Variants in SLC25A12 observed in about 807,000 individuals in gnomAD.
SLC25A12 encodes the protein solute carrier family 25 member 12.
Under a neutral mutation model 83.3 loss-of-function variants are expected in SLC25A12, and 32 were observed. That is an observed-to-expected ratio of 0.38 (90% CI 0.29 to 0.52). The LOEUF is 0.52. Ranked by LOEUF, SLC25A12 falls within the 20% of genes least tolerant of loss-of-function variation. The pLI is 0.84. For synonymous variants in SLC25A12, 267 were observed against 291.1 expected (o/e 0.92, Z 0.84); for missense variants, 611 against 835.6 (o/e 0.73, Z 3.31).
chr2:171,838,555 C>A (rs570967208), intron 5 of SLC25A12, among the ~76,000 whole-genome samples: 2 of 151,986 alleles, frequency 1.3e-5, no homozygotes, highest in African/African-American at 2.4e-5. Flanking sequence ...TCTTAATCAC[C>A]CAGAAATATC....
At chr2:171,836,676 T>G (rs1470901493) in intron 6 of SLC25A12, among the ~76,000 whole-genome samples, 1 of 152,152 alleles carries the variant, frequency 6.6e-6, no homozygotes. Flanking sequence ...GGAGCCATCT[T>G]TATAGCAAGA....
At chr2:171,804,943 A>T (rs1160829690) in intron 13 of SLC25A12, among the ~76,000 whole-genome samples, 1 of 152,202 alleles carries the variant, frequency 6.6e-6, no homozygotes. Context: ...GATAGCTAAA[A>T]GGTACTGCAT....
At chr2:171,878,972 A>G (rs1030480019) in intron 2 of SLC25A12, among the ~76,000 whole-genome samples, 2 of 152,344 alleles carry the variant, frequency 1.3e-5, no homozygotes, top group Admixed American at 1.3e-4. Flanking sequence ...CAGATCTGAC[A>G]CACAAACCCT....
intron 3 of SLC25A12, among the ~76,000 whole-genome samples, chr2:171,860,296 A>G (rs1685126899): frequency 6.6e-6 from 1 of 152,116 alleles, no homozygotes; most frequent in African/African-American, 2.4e-5. Flanking sequence ...AAAAACACTC[A>G]AAGGCTGGGC....
chr2:171,862,083 A>G (rs1327751870), intron 3 of SLC25A12, among the ~76,000 whole-genome samples: 4 of 152,240 alleles, frequency 2.6e-5, no homozygotes, highest in African/African-American at 7.2e-5. Flanking sequence ...TTGTAAAACA[A>G]TCAAGATTTC....
intron 15 of SLC25A12, among the ~76,000 whole-genome samples, chr2:171,789,299 G>T (rs1690549981): frequency 6.6e-6 from 1 of 152,106 alleles, no homozygotes; most frequent in African/African-American, 2.4e-5. Flanking sequence ...CACAATCTCG[G>T]CTCACTGCAA....
chr2:171,846,589 C>T (rs1449798926), intron 4 of SLC25A12, among the ~76,000 whole-genome samples: 1 of 152,038 alleles, frequency 6.6e-6, no homozygotes. Flanking sequence ...AGGCAGATCA[C>T]GAGGTCAGGA....
In SLC25A12 at chr2:171,860,779, C is replaced by A. The variant is rs1171287062; in HGVS notation, c.210-4830G>T. Reference sequence around the variant, plus strand: ...GGATATATGAAAAAGCAAGAATAGTCAGATGTTAATAGTAGAATCTGGCCA... The same window carrying A: ...GGATATATGAAAAAGCAAGAATAGTAAGATGTTAATAGTAGAATCTGGCCA... On this transcript the variant is annotated intron_variant, in intron 3 of 17. Coordinates refer to ENST00000422440, the MANE Select transcript of SLC25A12 (RefSeq NM_003705.5). Among the ~76,000 whole-genome samples, 4 of 151,692 alleles carry A rather than the reference C, an allele frequency of 2.6e-5. No individual in the cohort carries two copies. The East Asian group carries it at 5.8e-4, about 22-fold the overall frequency.
rs368636923 is a variant in SLC25A12 at position 171,868,667 on chromosome 2, A to G, written c.209+14T>C. Reference sequence around the variant, plus strand: ...CAGAACATTAGTTTTCAGAAAATGCATGAAGATACTTACCCATCCTTGGTT... The same window carrying G: ...CAGAACATTAGTTTTCAGAAAATGCGTGAAGATACTTACCCATCCTTGGTT... On this transcript the variant is annotated intron_variant, in intron 3 of 17. Coordinates refer to ENST00000422440, the MANE Select transcript of SLC25A12 (RefSeq NM_003705.5). 1.9e-6 allele frequency: 3 copies of G among 1,612,550 alleles called. No individual in the cohort carries two copies. Among genetic ancestry groups the G allele is most frequent in the Non-Finnish European group, 2.5e-6 (3 of 1,178,686 alleles).
Position 171,809,674 on chromosome 2 carries a change from C to T in SLC25A12, c.1237G>A (p.Val413Ile). 1 of 1,613,728 alleles carries T rather than the reference C, an allele frequency of 6.2e-7. No individual in the cohort carries two copies. ...KAIKLTVNDF[V>I]RDKFTRRDGS... ...TCTCTTCTGGTAAATTTGTCCCGAA[C>T]AAAATCATTAACCTAATTAGAAAGA... Residue 413 changes from valine to isoleucine, a missense_variant, in exon 13 of 18, where the codon GTT becomes ATT. Val to Ile is a conservative substitution (Grantham distance 29). Coordinates refer to ENST00000422440, the MANE Select transcript of SLC25A12 (RefSeq NM_003705.5).
intron 9 of SLC25A12, among the ~76,000 whole-genome samples, chr2:171,822,921 T>G (rs1453359558): frequency 6.6e-6 from 1 of 152,186 alleles, no homozygotes; most frequent in African/African-American, 2.4e-5. Flanking sequence ...CTCTGCATAA[T>G]AAATGTAAGT....
intron 13 of SLC25A12, among the ~76,000 whole-genome samples, chr2:171,802,020 A>G (rs1046925410): frequency 6.6e-5 from 10 of 152,070 alleles, no homozygotes; most frequent in Non-Finnish European, 8.8e-5. Flanking sequence ...ACCTATGAGA[A>G]TAACAGGAAA....
chr2:171,785,554 AC>A, intron 17 of SLC25A12, 79 bp from the exon 18 acceptor site: 1 of 1,249,882 alleles, frequency 8.0e-7, no homozygotes, highest in Non-Finnish European at 1.2e-6. Flanking sequence ...TTTCGGTCTG[AC>A]CCATGTGCCA....
chr2:171,831,327 C>T (rs1323751891), intron 8 of SLC25A12, among the ~76,000 whole-genome samples: 3 of 152,164 alleles, frequency 2.0e-5, no homozygotes, highest in African/African-American at 4.8e-5. Flanking sequence ...AAATCTAAGG[C>T]TCTGCTCAGT....
In SLC25A12 at chr2:171,784,199, TTTC is replaced by T. The variant is rs1690445443; in HGVS notation, c.*1072_*1074del. Among the ~76,000 whole-genome samples, 1 of 152,228 alleles carries T rather than the reference TTTC, an allele frequency of 6.6e-6. No individual in the cohort carries two copies. The highest frequency in any genetic ancestry group is 1.5e-5 in the Non-Finnish European group (1 of 68,040). The stretch of plus-strand genomic sequence containing the variant: ...ATCACCATATAGAGCTTTTCTTCTC[TTTC>T]TTCTTCCCTCCCTTCACTCTGCGCT... On this transcript the variant is annotated 3_prime_UTR_variant, in exon 18 of 18. Transcript: ENST00000422440.
chr2:171,892,743 A>T (rs552184885), intron 2 of SLC25A12, among the ~76,000 whole-genome samples: 13 of 152,106 alleles, frequency 8.5e-5, no homozygotes, highest in African/African-American at 3.1e-4. Flanking sequence ...AGGCTTAAGG[A>T]TACAATGTAA....
intron 13 of SLC25A12, among the ~76,000 whole-genome samples, chr2:171,808,905 C>T (rs909825195): frequency 6.8e-6 from 1 of 147,336 alleles, no homozygotes; most frequent in African/African-American, 2.5e-5. Flanking sequence ...TGCCCTGTGT[C>T]CAGGTGTTCT....
chr2:171,805,663 A>C (rs1182605568), intron 13 of SLC25A12, among the ~76,000 whole-genome samples: 1 of 152,252 alleles, frequency 6.6e-6, no homozygotes, highest in Non-Finnish European at 1.5e-5. Flanking sequence ...TAAGAAAGGT[A>C]TCTATTCCTC....
rs902912191 is a variant in SLC25A12 at position 171,838,081 on chromosome 2, T to C, written c.466-814A>G. Among the ~76,000 whole-genome samples the C allele has an allele frequency of 1.8e-4, 27 of 152,304 alleles. No homozygotes were observed. In the East Asian group the frequency reaches 5.2e-3, roughly 29 times the overall value. On this transcript the variant is annotated intron_variant, in intron 5 of 17. Coordinates refer to ENST00000422440, the MANE Select transcript of SLC25A12 (RefSeq NM_003705.5). ...CCATGACTAAATGCAAAAAACCTGT[T>C]AGCAAACATAACAATGGTGCTGCTA... is the stretch of plus-strand genomic sequence containing the variant.
Sources: allele counts gnomAD v4.1 joint callset (sites outside exome capture counted in the v4.1 genomes callset), GRCh38; gene constraint gnomAD v4.1.1; transcripts MANE v1.5; gene names NCBI Gene and HGNC (gene_info 2026-07-23, HGNC 2026-07-21).